URB1: variants seen among roughly 807,000 people sequenced by gnomAD.
URB1 encodes URB1 ribosome biogenesis factor.
In URB1, 197 loss-of-function variants were observed where a neutral mutation model predicts 242.3. The observed-to-expected ratio is 0.81, with a 90% CI of 0.72 to 0.91. The LOEUF (loss-of-function observed/expected upper bound fraction) is 0.91, where lower values mean the gene tolerates loss of function less well. Ranked by LOEUF, URB1 falls within the 40% of genes least tolerant of loss-of-function variation. URB1 has a pLI of 0.00. For missense variants in URB1, 2,721 were observed against 2,860.5 expected, an observed-to-expected ratio of 0.95 and a Z score of 1.11; for synonymous variants, 1,153 against 1,201.8, an observed-to-expected ratio of 0.96 and a Z score of 0.84.
rs1472981861 is a variant in URB1, at chr21:32,361,925, C to T, written c.1606G>A (p.Gly536Arg). ...TGAGCATCGCAGGCAGCCGGGGGCC[C>T]ATCGCTCCTTTTCTGCCCTTTCTTG... ...DDKKGQKRSDGPPAACDAHQC... is the reference protein window; with the variant it reads ...DDKKGQKRSDRPPAACDAHQC... Residue 536 changes from glycine (G) to arginine (R), a missense_variant, in exon 12 of 39, where the codon GGG becomes AGG. Physicochemically the swap from Gly to Arg is moderately radical, Grantham distance 125. Transcript: ENST00000382751. 6.4e-7 allele frequency: 1 copy of T among 1,551,354 alleles called. No homozygotes were observed. The highest frequency in any genetic ancestry group is 8.7e-7 in the Non-Finnish European group (1 of 1,146,854).
At chr21:32,321,697 T>C (rs1284801525) in intron 34 of URB1, 104 bp downstream of exon 34, 5 of 1,486,476 alleles carry the variant, frequency 3.4e-6, no homozygotes, top group South Asian at 2.6e-5. Flanking sequence ...AGGTCGGTCG[T>C]GTCCAGGCTG....
chr21:32,345,291 G>T, intron 23 of URB1, 83 bp downstream of exon 23: 1 of 1,436,808 alleles, frequency 7.0e-7, no homozygotes, highest in Non-Finnish European at 9.5e-7. Flanking sequence ...TAATGCAGCA[G>T]TTTTTCAATG....
At chr21:32,335,668 T>C (rs75571241) in intron 28 of URB1, 1,788 of 152,646 alleles carry the variant, frequency 0.012, 43 homozygotes, top group East Asian at 0.087. Context: ...CACCCCAGTT[T>C]CTGGCAGGCA....
At chr21:32,368,935 T>C (rs764418458) in intron 8 of URB1, among the ~76,000 whole-genome samples, 1 of 152,200 alleles carries the variant, frequency 6.6e-6, no homozygotes, top group Non-Finnish European at 1.5e-5. Context: ...CCTACCAGTC[T>C]GCCTAGAAGT....
chr21:32,392,918 AG>A lies in URB1; in HGVS notation c.-9del. ...CCTCTTGGGGACCCCCATGGCCGAGAGGGCGGAAGCGCGACGGAAACGACAC... is the reference window on the plus strand; with the variant it reads ...CCTCTTGGGGACCCCCATGGCCGAGAGGCGGAAGCGCGACGGAAACGACAC... On this transcript the variant is annotated 5_prime_UTR_variant, in exon 1 of 39. Coordinates refer to ENST00000382751, the MANE Select transcript of URB1 (RefSeq NM_014825.3). 6.6e-7 allele frequency: 1 copy of A among 1,505,940 alleles called. No homozygotes were observed. The highest frequency in any genetic ancestry group is 1.2e-5 in the South Asian group (1 of 81,174). The allele number at this position is 1,505,940 out of a possible 1,614,324, so 93.3% of individuals were successfully genotyped here. A position where few individuals can be genotyped will look rare whatever the true frequency, so the allele number is the denominator to read the frequency against.
chr21:32,319,132 T>C, intron 36 of URB1, 85 bp downstream of exon 36: 6 of 1,373,684 alleles, frequency 4.4e-6, no homozygotes, highest in Non-Finnish European at 5.9e-6. Flanking sequence ...TACAGAGTCA[T>C]GACTGAGACA....
intron 17 of URB1, among the ~76,000 whole-genome samples, chr21:32,354,358 A>C (rs910644339): frequency 2.6e-5 from 4 of 152,222 alleles, no homozygotes; most frequent in Admixed American, 6.5e-5. Flanking sequence ...GTGACACAAG[A>C]AGCCCAGGAA....
intron 9 of URB1, among the ~76,000 whole-genome samples, chr21:32,368,011 G>A (rs913428331): frequency 1.3e-5 from 2 of 152,130 alleles, no homozygotes; most frequent in Non-Finnish European, 2.9e-5. Flanking sequence ...ATATTGTATA[G>A]TTTACCAGAT....
chr21:32,340,032 A>G (rs556882986), intron 25 of URB1, among the ~76,000 whole-genome samples: 9 of 152,258 alleles, frequency 5.9e-5, no homozygotes, highest in African/African-American at 1.2e-4. Flanking sequence ...AACACGCTCT[A>G]AAGAAAGTGT....
chr21:32,373,130 G>A (rs2033423579), intron 7 of URB1, among the ~76,000 whole-genome samples: 1 of 152,168 alleles, frequency 6.6e-6, no homozygotes, highest in African/African-American at 2.4e-5. Flanking sequence ...CACTGGCATT[G>A]GGTCGATGTT....
intron 14 of URB1, among the ~76,000 whole-genome samples, chr21:32,358,439 C>A (rs2033248546): frequency 1.3e-5 from 2 of 152,182 alleles, no homozygotes; most frequent in African/African-American, 4.8e-5. Flanking sequence ...ATTGCTTATG[C>A]ATAATTTATC....
intron 32 of URB1, among the ~76,000 whole-genome samples, chr21:32,323,165 G>A (rs1231770760): frequency 6.6e-6 from 1 of 152,160 alleles, no homozygotes; most frequent in African/African-American, 2.4e-5. Context: ...GCCACACCCA[G>A]GACCAAAACC....
chr21:32,357,610 T>A lies in URB1; in HGVS notation c.1916A>T (p.Tyr639Phe), dbSNP rs1186324037. ...GGTCACAAACATTTTCATTAGTAAG[T>A]AAAATACTGATCGTTCACCTCCAAT... is the stretch of plus-strand genomic sequence containing the variant. ...EIIGGERSVF[Y>F]LLMKMFVTSS... Residue 639 changes from tyrosine to phenylalanine, a missense_variant, in exon 15 of 39, where the codon TAC becomes TTC. Coordinates refer to ENST00000382751, the MANE Select transcript of URB1 (RefSeq NM_014825.3). 6.5e-7 allele frequency: 1 copy of A among 1,528,960 alleles called. No homozygotes were observed. The highest frequency in any genetic ancestry group is 2.1e-5 in the Admixed American group (1 of 46,676). The allele number at this position is 1,528,960 out of a possible 1,614,324, so 94.7% of individuals were successfully genotyped here. A position where few individuals can be genotyped will look rare whatever the true frequency, so the allele number is the denominator to read the frequency against.
intron 18 of URB1, 149 bp from the exon 19 acceptor site, chr21:32,353,055 C>T: frequency 2.5e-6 from 2 of 803,208 alleles, no homozygotes; most frequent in South Asian, 1.8e-5. Flanking sequence ...GAAGGAATTG[C>T]TACTACTGGA....
At chr21:32,376,549 T>C (rs2033460757) in intron 5 of URB1, among the ~76,000 whole-genome samples, 1 of 131,788 alleles carries the variant, frequency 7.6e-6, no homozygotes, top group South Asian at 2.7e-4. Flanking sequence ...CATGCTACTC[T>C]ATTTGAGTAA....
chr21:32,366,781 G>C, intron 9 of URB1, 26 bp from the exon 10 acceptor site: 1 of 1,550,054 alleles, frequency 6.5e-7, no homozygotes, highest in Non-Finnish European at 8.7e-7. Context: ...AAGAGATTTA[G>C]GTGGTGCTAG....
At chr21:32,331,304 T>C (rs911549445) in intron 30 of URB1, among the ~76,000 whole-genome samples, 1 of 152,224 alleles carries the variant, frequency 6.6e-6, no homozygotes, top group African/African-American at 2.4e-5. Context: ...ATTTTCCCTG[T>C]ATACCCTTCA....
intron 28 of URB1, among the ~76,000 whole-genome samples, chr21:32,336,126 G>C (rs1275379521): frequency 6.6e-6 from 1 of 152,194 alleles, no homozygotes; most frequent in African/African-American, 2.4e-5. Context: ...CGTCAAAAGA[G>C]CGAGGCTGCC....
chr21:32,360,010 A>G, intron 13 of URB1, 102 bp from the exon 14 acceptor site: 2 of 1,045,158 alleles, frequency 1.9e-6, no homozygotes, highest in Non-Finnish European at 2.8e-6. Flanking sequence ...ATGGAGAAAG[A>G]AAAAGGGTGG....
Sources: gnomAD v4.1 joint callset for allele counts (sites outside exome capture counted in the v4.1 genomes callset) on GRCh38, gnomAD v4.1.1 for gene constraint, MANE v1.5 for transcripts, NCBI Gene and HGNC (gene_info 2026-07-23, HGNC 2026-07-21) for gene names.